Variants in CRTAC1 observed in about 807,000 individuals in gnomAD.
The protein encoded by CRTAC1 is acidic secreted protein in cartilage.
In CRTAC1, 37 loss-of-function variants were observed where a neutral mutation model predicts 67.8. The ratio of observed to expected loss-of-function variants is 0.55; its 90% CI spans 0.42 to 0.72. The LOEUF (loss-of-function observed/expected upper bound fraction) is 0.72. Ranked by LOEUF, CRTAC1 falls within the 30% of genes least tolerant of loss-of-function variation. The probability of loss-of-function intolerance (pLI) is 0.00; values close to 1 mark genes in which losing one functional copy is unlikely to be tolerated. For synonymous variants in CRTAC1, 348 were observed against 371.0 expected (o/e 0.94, Z 0.71); for missense variants, 780 against 931.6 (o/e 0.84, Z 2.12).
At chr10:97,966,974 G>A (rs1275296138) in intron 2 of CRTAC1, among the ~76,000 whole-genome samples, 1 of 131,606 alleles carries the variant, frequency 7.6e-6, no homozygotes, top group African/African-American at 2.8e-5. Flanking sequence ...TGTTTGCTGT[G>A]TTTCTCCATT....
At chr10:97,903,333 T>G (rs897595527) in intron 7 of CRTAC1, among the ~76,000 whole-genome samples, 15 of 148,970 alleles carry the variant, frequency 1.0e-4, no homozygotes, top group Admixed American at 1.0e-3. Flanking sequence ...CCAGACATTG[T>G]TGAATGTCCC....
chr10:97,958,558 G>T (rs999787434), intron 2 of CRTAC1, among the ~76,000 whole-genome samples: 3 of 152,124 alleles, frequency 2.0e-5, no homozygotes, highest in African/African-American at 7.2e-5. Flanking sequence ...TACCAGAGTG[G>T]TTAATTTGTT....
intron 2 of CRTAC1, among the ~76,000 whole-genome samples, chr10:97,937,477 T>G (rs1407198053): frequency 2.0e-5 from 3 of 152,218 alleles, no homozygotes; most frequent in African/African-American, 7.2e-5. Context: ...CTCTTCCTTC[T>G]CTGTCTGGTC....
At chr10:97,870,594 G>A (rs1426581465) in intron 14 of CRTAC1, 1 of 152,128 alleles carries the variant, frequency 6.6e-6, no homozygotes, top group Non-Finnish European at 1.5e-5. Context: ...CTGTACTGGT[G>A]ATATATTTCA....
At chr10:97,894,221 C>T (rs2136554871) in intron 11 of CRTAC1, among the ~76,000 whole-genome samples, 1 of 152,224 alleles carries the variant, frequency 6.6e-6, no homozygotes. Flanking sequence ...TTTACATTTC[C>T]ACCAGTGATG....
At chr10:97,902,681 C>T (rs185043040) in intron 7 of CRTAC1, among the ~76,000 whole-genome samples, 61 of 152,268 alleles carry the variant, frequency 4.0e-4, no homozygotes, top group East Asian at 7.7e-4. Flanking sequence ...CCAGGGCCCA[C>T]GTGGAGAGGG....
In CRTAC1 at chr10:97,975,666, C is replaced by G. The variant is rs1004268955; in HGVS notation, c.224+35472G>C. Among the ~76,000 whole-genome samples, 5 of 152,200 alleles carry G rather than the reference C, an allele frequency of 3.3e-5. No homozygotes were observed. The highest frequency in any genetic ancestry group is 3.3e-4 in the Admixed American group (5 of 15,284). On this transcript the variant is annotated intron_variant, in intron 2 of 14. Coordinates refer to ENST00000370597, the MANE Select transcript of CRTAC1 (RefSeq NM_018058.7). This position sits in a 1 kb window ranked among gnomAD's most constrained non-coding sequence, Gnocchi z 4.8. The stretch of plus-strand genomic sequence containing the variant: ...TGTGAATGACAAAAAGGCGCCCCTT[C>G]CTCCAAGCCTGCACAGCCTCACACG...
intron 9 of CRTAC1, among the ~76,000 whole-genome samples, chr10:97,896,372 C>T (rs1372818862): frequency 6.6e-6 from 1 of 152,070 alleles, no homozygotes; most frequent in Non-Finnish European, 1.5e-5. Context: ...TCATTACAAC[C>T]CAAAGAGGTG....
intron 1 of CRTAC1, among the ~76,000 whole-genome samples, chr10:98,017,311 T>C (rs1233420705): frequency 6.6e-6 from 1 of 152,004 alleles, no homozygotes; most frequent in Non-Finnish European, 1.5e-5. Context: ...TAACACCCCG[T>C]GTAAAGGCAA....
Position 97,917,704 on chromosome 10 carries a change from C to T in CRTAC1, c.559-48G>A, listed in dbSNP as rs757857286. The T allele has an allele frequency of 3.5e-6, 5 of 1,441,004 alleles. No individual in the cohort carries two copies. In the Admixed American group the frequency reaches 8.7e-5, roughly 25 times the overall value. The allele number at this position is 1,441,004 out of a possible 1,614,324, so 89.3% of individuals were successfully genotyped here. ...GGTGAGCAGGGCCACCTTGGCTCAT[C>T]CCAGAAACCGCCCCCTCCCCACCCC... On this transcript the variant is annotated intron_variant, in intron 4 of 14. Coordinates refer to ENST00000370597, the MANE Select transcript of CRTAC1 (RefSeq NM_018058.7).
In CRTAC1 at chr10:97,895,486, G is replaced by A; in HGVS notation, c.1318-73C>T. On this transcript the variant is annotated intron_variant, in intron 10 of 14. Transcript: ENST00000370597. The surrounding 1 kb of genome is among the most constrained non-coding windows in gnomAD (Gnocchi z 4.2). Reference sequence around the variant, plus strand: ...GGTGGGAAGAGCAGGGAGCCAGGGAGGACGGGAGGGGGAGAGGGAGAAGAA... The same window carrying A: ...GGTGGGAAGAGCAGGGAGCCAGGGAAGACGGGAGGGGGAGAGGGAGAAGAA... 7.4e-7 allele frequency: 1 copy of A among 1,346,590 alleles called. No homozygotes were observed. Among genetic ancestry groups the A allele is most frequent in the Non-Finnish European group, 1.0e-6 (1 of 987,606 alleles). 83.4% of individuals were successfully genotyped at this position (1,346,590 alleles called of 1,614,324 possible).
rs71007374 is a variant in CRTAC1, at chr10:98,029,491, A to AGCGGCGGCGGCGGCGGCGGCGGCGGCG, written c.24+931_24+957dup. On this transcript the variant is annotated intron_variant, in intron 1 of 14. Coordinates refer to ENST00000370597, the MANE Select transcript of CRTAC1 (RefSeq NM_018058.7). This position sits in a 1 kb window ranked among gnomAD's most constrained non-coding sequence, Gnocchi z 4.7. ...ACTGGGTGCACCCACCAGCAGCAGC[A>AGCGGCGGCGGCGGCGGCGGCGGCGGCG]GCGGCGGCGGCGGCGGCGGCGGCGG... Among the ~76,000 whole-genome samples, 103 of 140,446 alleles carry AGCGGCGGCGGCGGCGGCGGCGGCGGCG rather than the reference A, an allele frequency of 7.3e-4. No homozygotes were observed. The highest frequency in any genetic ancestry group is 1.2e-3 in the South Asian group (5 of 4,258). 92.1% of individuals were successfully genotyped at this position (140,446 alleles called of 152,430 possible).
intron 2 of CRTAC1, among the ~76,000 whole-genome samples, chr10:97,954,451 C>T (rs949598537): frequency 2.0e-5 from 3 of 152,284 alleles, no homozygotes; most frequent in South Asian, 2.1e-4. Flanking sequence ...AGGAGGAAAG[C>T]GGAAGCCTGA....
intron 5 of CRTAC1, among the ~76,000 whole-genome samples, chr10:97,914,342 C>T (rs753597891): frequency 7.9e-5 from 12 of 152,208 alleles, no homozygotes; most frequent in Admixed American, 1.3e-4. Context: ...GCCCTGGCAT[C>T]GCTCTGGCAG....
At chr10:97,911,700 T>C (rs981137295) in intron 5 of CRTAC1, among the ~76,000 whole-genome samples, 1 of 152,244 alleles carries the variant, frequency 6.6e-6, no homozygotes. Context: ...CCCATCATTA[T>C]GTAGGCTGCC....
intron 11 of CRTAC1, among the ~76,000 whole-genome samples, chr10:97,891,329 T>C (rs1355912317): frequency 6.6e-6 from 1 of 152,274 alleles, no homozygotes; most frequent in Non-Finnish European, 1.5e-5. Context: ...TTCTTTGGAC[T>C]GGACCTTCCC....
chr10:97,962,978 G>A (rs1244747108), intron 2 of CRTAC1, among the ~76,000 whole-genome samples: 1 of 151,980 alleles, frequency 6.6e-6, no homozygotes, highest in Non-Finnish European at 1.5e-5. Context: ...GTCCTAGCTG[G>A]GATGATGAGA....
intron 2 of CRTAC1, among the ~76,000 whole-genome samples, chr10:97,980,937 A>T (rs1270974482): frequency 2.0e-5 from 3 of 152,242 alleles, no homozygotes; most frequent in Non-Finnish European, 4.4e-5. Flanking sequence ...TAAGACAATT[A>T]TTGAGGAACA....
At chr10:97,903,521 G>A (rs1250882827) in intron 7 of CRTAC1, among the ~76,000 whole-genome samples, 2 of 151,972 alleles carry the variant, frequency 1.3e-5, no homozygotes, top group Admixed American at 6.5e-5. Flanking sequence ...GGGCCTGGGC[G>A]TCCCAAGGTG....
Sources: allele counts gnomAD v4.1 joint callset (sites outside exome capture counted in the v4.1 genomes callset), GRCh38; gene constraint gnomAD v4.1.1; non-coding constraint Gnocchi (gnomAD v3.1); transcripts MANE v1.5; gene names NCBI Gene and HGNC (gene_info 2026-07-23, HGNC 2026-07-21).